The following TAF4B variants were observed in gnomAD, a reference collection of about 807,000 sequenced individuals.
The protein encoded by TAF4B is TATA-box binding protein associated factor 4b.
TAF4B carries 38 observed loss-of-function variants against 86.4 expected under a neutral mutation model. That is an observed-to-expected ratio of 0.44 (90% CI 0.34 to 0.58). The LOEUF (loss-of-function observed/expected upper bound fraction) is 0.58, where lower values mean the gene tolerates loss of function less well. TAF4B is among the 20% of genes least tolerant of loss of function. TAF4B has a pLI of 0.02. For synonymous variants in TAF4B, 388 were observed against 391.2 expected (o/e 0.99, Z 0.10); for missense variants, 988 against 1,027.6 (o/e 0.96, Z 0.53).
At chr18:26,252,251 A>G (rs1480625332) in intron 1 of TAF4B, among the ~76,000 whole-genome samples, 1 of 152,164 alleles carries the variant, frequency 6.6e-6, no homozygotes, top group Non-Finnish European at 1.5e-5. Flanking sequence ...TCCTTGAAGT[A>G]TATTATTCTT....
At chr18:26,388,822 T>C (rs568556375) in intron 14 of TAF4B, among the ~76,000 whole-genome samples, 1 of 152,260 alleles carries the variant, frequency 6.6e-6, no homozygotes, top group South Asian at 2.1e-4. Flanking sequence ...TTTTTATTAT[T>C]TTCATTTTTT....
intron 8 of TAF4B, 71 bp from the exon 9 acceptor site, chr18:26,293,355 G>A (rs2056619774): frequency 1.9e-6 from 2 of 1,039,166 alleles, no homozygotes; most frequent in Non-Finnish European, 2.8e-6. Flanking sequence ...AAAAACGGTT[G>A]TCCTGGATTT....
intron 5 of TAF4B, among the ~76,000 whole-genome samples, chr18:26,278,998 T>G (rs1295316606): frequency 5.9e-5 from 9 of 151,374 alleles, no homozygotes; most frequent in African/African-American, 1.9e-4. Flanking sequence ...CCATTCCTAT[T>G]TAACATAATA....
chr18:26,335,418 T>A (rs1278747397), intron 13 of TAF4B, among the ~76,000 whole-genome samples, 187 bp downstream of exon 13: 1 of 152,194 alleles, frequency 6.6e-6, no homozygotes, highest in Non-Finnish European at 1.5e-5. Context: ...GCTCTCTTTT[T>A]AAAATTTATT....
intron 14 of TAF4B, among the ~76,000 whole-genome samples, chr18:26,359,655 T>C (rs1371510668): frequency 1.3e-5 from 2 of 152,218 alleles, no homozygotes; most frequent in Admixed American, 6.5e-5. Flanking sequence ...ATTTCTTATC[T>C]GTGCTTATAC....
At chr18:26,249,292 A>C (rs1409250372) in intron 1 of TAF4B, among the ~76,000 whole-genome samples, 1 of 152,224 alleles carries the variant, frequency 6.6e-6, no homozygotes, top group Non-Finnish European at 1.5e-5. Flanking sequence ...CAGCCAGGCC[A>C]ACATGGCAAA....
chr18:26,260,094 G>T (rs1020752458), intron 1 of TAF4B, among the ~76,000 whole-genome samples: 8 of 152,106 alleles, frequency 5.3e-5, no homozygotes, highest in African/African-American at 1.9e-4. Context: ...TTTGAGAAGT[G>T]TCTGTTCATA....
At chr18:26,369,792 T>C (rs2057395064) in intron 14 of TAF4B, among the ~76,000 whole-genome samples, 1 of 152,226 alleles carries the variant, frequency 6.6e-6, no homozygotes, top group Non-Finnish European at 1.5e-5. Context: ...TAATGCCATA[T>C]TTTGTATCAT....
chr18:26,342,610 T>C (rs1191404973), intron 13 of TAF4B, among the ~76,000 whole-genome samples: 1 of 152,240 alleles, frequency 6.6e-6, no homozygotes, highest in Non-Finnish European at 1.5e-5. Context: ...GATTAAAGGC[T>C]GTACTACCAT....
intron 11 of TAF4B, among the ~76,000 whole-genome samples, chr18:26,324,334 A>T (rs1387763168): frequency 2.0e-5 from 3 of 152,206 alleles, no homozygotes; most frequent in African/African-American, 7.2e-5. Flanking sequence ...CTGGTCTCAA[A>T]CTCCTGGCCT....
rs527878913 is a variant in TAF4B at position 26,311,890 on chromosome 18, G to C, written c.1833-3339G>C. Among the ~76,000 whole-genome samples the C allele has an allele frequency of 1.7e-4, 26 of 152,258 alleles. No homozygotes were observed. In the South Asian group the frequency reaches 5.4e-3, roughly 32 times the overall value. On this transcript the variant is annotated intron_variant, in intron 9 of 14. Transcript: ENST00000269142. ...TAGAGAAGTTAAGGGGATAGAAGAAGACATTGTAAGAAGGCAGGCATGAGC... is the reference window on the plus strand; with the variant it reads ...TAGAGAAGTTAAGGGGATAGAAGAACACATTGTAAGAAGGCAGGCATGAGC...
intron 12 of TAF4B, among the ~76,000 whole-genome samples, chr18:26,331,695 A>G (rs1446742417): frequency 2.6e-5 from 4 of 152,030 alleles, no homozygotes; most frequent in African/African-American, 7.2e-5. Context: ...ACCACCTCCT[A>G]TCTTATTTCT....
intron 1 of TAF4B, among the ~76,000 whole-genome samples, chr18:26,237,754 T>C (rs2055771346): frequency 6.6e-6 from 1 of 152,178 alleles, no homozygotes; most frequent in African/African-American, 2.4e-5. Context: ...GTATTGTAAT[T>C]TATACTTCCC....
intron 14 of TAF4B, among the ~76,000 whole-genome samples, chr18:26,383,927 C>T (rs921161797): frequency 2.0e-5 from 3 of 152,140 alleles, no homozygotes; most frequent in Non-Finnish European, 2.9e-5. Flanking sequence ...CCTGTGTTCC[C>T]CTTTAAGGCC....
At chr18:26,343,792 C>T (rs919983304) in intron 13 of TAF4B, among the ~76,000 whole-genome samples, 1 of 152,116 alleles carries the variant, frequency 6.6e-6, no homozygotes, top group Non-Finnish European at 1.5e-5. Context: ...ACTGAATATA[C>T]ATGGATTTTG....
chr18:26,287,852 T>G (rs1392981326), intron 7 of TAF4B, among the ~76,000 whole-genome samples: 1 of 152,194 alleles, frequency 6.6e-6, no homozygotes, highest in African/African-American at 2.4e-5. Flanking sequence ...GTGACCAGAA[T>G]TGGAGAGTAG....
chr18:26,236,367 G>A (rs2055748093), intron 1 of TAF4B, among the ~76,000 whole-genome samples: 1 of 152,118 alleles, frequency 6.6e-6, no homozygotes, highest in Non-Finnish European at 1.5e-5. Flanking sequence ...AGGCCGCGCT[G>A]GTGACCAGGA....
intron 13 of TAF4B, among the ~76,000 whole-genome samples, chr18:26,356,893 C>T (rs2057292595): frequency 4.6e-5 from 7 of 150,926 alleles, no homozygotes; most frequent in Admixed American, 4.6e-4. Context: ...TCATGCATAC[C>T]CCTGTATAGT....
At chr18:26,297,265 G>T (rs72880160) in intron 9 of TAF4B, among the ~76,000 whole-genome samples, 6,356 of 152,200 alleles carry the variant, frequency 0.042, 182 homozygotes, top group Non-Finnish European at 0.058. Flanking sequence ...GAGAAGGCTG[G>T]AGATTAAAAA....
Sources: gnomAD v4.1 joint callset for allele counts (sites outside exome capture counted in the v4.1 genomes callset) on GRCh38, gnomAD v4.1.1 for gene constraint, MANE v1.5 for transcripts, NCBI Gene and HGNC (gene_info 2026-07-23, HGNC 2026-07-21) for gene names.